MLPH: variants seen among roughly 807,000 people sequenced by gnomAD.
MLPH encodes the protein melanophilin.
In MLPH, 51 loss-of-function variants were observed where a neutral mutation model predicts 72.1. That is an observed-to-expected ratio of 0.71 (90% CI 0.56 to 0.89). The LOEUF (loss-of-function observed/expected upper bound fraction) is 0.89. Ranked by LOEUF, MLPH falls within the 40% of genes least tolerant of loss-of-function variation. The pLI is 0.00. For missense variants in MLPH, 743 were observed against 759.9 expected (o/e 0.98, Z 0.26); for synonymous variants, 301 against 310.1 (o/e 0.97, Z 0.31).
intron 6 of MLPH, among the ~76,000 whole-genome samples, chr2:237,524,344 A>G (rs985006467): frequency 7.4e-6 from 1 of 134,568 alleles, no homozygotes; most frequent in East Asian, 2.1e-4. Flanking sequence ...TTAAGTATTA[A>G]CTTACACGAT....
At chr2:237,513,598 T>G (rs2079953688) in intron 4 of MLPH, among the ~76,000 whole-genome samples, 1 of 152,172 alleles carries the variant, frequency 6.6e-6, no homozygotes, top group Admixed American at 6.5e-5. Flanking sequence ...ATCAGATAGG[T>G]AGGATAATGT....
At chr2:237,507,602 T>C (rs2079805086) in intron 2 of MLPH, among the ~76,000 whole-genome samples, 1 of 152,198 alleles carries the variant, frequency 6.6e-6, no homozygotes, top group Non-Finnish European at 1.5e-5. Flanking sequence ...GAGAACCACT[T>C]CTGTTACTCT....
At chr2:237,503,092 C>G (rs2079686289) in intron 2 of MLPH, among the ~76,000 whole-genome samples, 1 of 152,178 alleles carries the variant, frequency 6.6e-6, no homozygotes, top group South Asian at 2.1e-4. Flanking sequence ...TCAGTCCAGC[C>G]TGGGCAGCAG....
At chr2:237,538,575 C>A (rs1402812093) in intron 9 of MLPH, among the ~76,000 whole-genome samples, 1 of 152,204 alleles carries the variant, frequency 6.6e-6, no homozygotes, top group African/African-American at 2.4e-5. Flanking sequence ...GCATCAGTGT[C>A]CTTTTAAGGC....
chr2:237,492,680 C>G (rs1301166208), intron 1 of MLPH, among the ~76,000 whole-genome samples: 1 of 152,132 alleles, frequency 6.6e-6, no homozygotes, highest in Admixed American at 6.5e-5. Flanking sequence ...ATCACTTTTG[C>G]CTCCCCAGGG....
chr2:237,489,353 GT>G (rs1199792549), intron 1 of MLPH, among the ~76,000 whole-genome samples: 9 of 152,248 alleles, frequency 5.9e-5, no homozygotes. Flanking sequence ...CACCCTCCCA[GT>G]GCTGTTGCTG....
chr2:237,489,448 A>G (rs2079385034), intron 1 of MLPH, among the ~76,000 whole-genome samples: 1 of 152,128 alleles, frequency 6.6e-6, no homozygotes, highest in South Asian at 2.1e-4. Context: ...TCTAGGTGGA[A>G]ATGTGCTCAT....
chr2:237,552,173 G>C (rs2081052965), intron 14 of MLPH, 164 bp from the exon 15 acceptor site: 1 of 608,508 alleles, frequency 1.6e-6, no homozygotes, highest in African/African-American at 1.9e-5. Flanking sequence ...TTGCATGACA[G>C]CTGAAATGTA....
chr2:237,492,327 C>T (rs1322665239), intron 1 of MLPH, among the ~76,000 whole-genome samples: 1 of 151,974 alleles, frequency 6.6e-6, no homozygotes, highest in Non-Finnish European at 1.5e-5. Context: ...TGGGTGGGGC[C>T]GCTGCTCTGC....
At chr2:237,525,014 A>C (rs1196243134) in intron 6 of MLPH, among the ~76,000 whole-genome samples, 3 of 151,574 alleles carry the variant, frequency 2.0e-5, no homozygotes, top group Non-Finnish European at 2.9e-5. Context: ...TCTGGCCTCC[A>C]CCCCCCACTC....
chr2:237,518,369 G>A (rs1457654390), intron 4 of MLPH, 170 bp from the exon 5 acceptor site: 3 of 703,476 alleles, frequency 4.3e-6, no homozygotes, highest in East Asian at 5.4e-5. Flanking sequence ...ATTGGTAGAT[G>A]GGTAGATGGA....
rs75459866 is a variant in MLPH, at chr2:237,502,018, T to C, written c.110+8482T>C. Among the ~76,000 whole-genome samples, 615 of 152,302 alleles carry C rather than the reference T, an allele frequency of 4.0e-3. 16 individuals are homozygous for C. Among genetic ancestry groups the C allele is most frequent in the Admixed American group, 0.034 (515 of 15,300 alleles). Reference sequence around the variant, plus strand: ...TTGAAGCTTATGTGTAGAAGAAAGCTAGCTGTTTACTTTTGTGGAATTTTT... The same window carrying C: ...TTGAAGCTTATGTGTAGAAGAAAGCCAGCTGTTTACTTTTGTGGAATTTTT... On this transcript the variant is annotated intron_variant, in intron 2 of 15. Transcript: ENST00000264605.
intron 4 of MLPH, chr2:237,518,108 G>T (rs527874751): frequency 1.4e-4 from 45 of 329,838 alleles, no homozygotes; most frequent in South Asian, 1.0e-3. Flanking sequence ...TGAGTGGGTG[G>T]ATGAAGGAGG....
intron 2 of MLPH, among the ~76,000 whole-genome samples, chr2:237,509,540 G>A (rs147096758): frequency 1.2e-4 from 19 of 152,288 alleles, no homozygotes; most frequent in Non-Finnish European, 2.5e-4. Context: ...CTCTGTTTGG[G>A]ACAAAGACTT....
chr2:237,520,743 A>G (rs1330335004), intron 6 of MLPH, among the ~76,000 whole-genome samples: 5 of 152,254 alleles, frequency 3.3e-5, no homozygotes, highest in Admixed American at 2.6e-4. Flanking sequence ...GAGTTTAATC[A>G]GGCCTTTCTG....
intron 10 of MLPH, 45 bp downstream of exon 10, chr2:237,540,578 G>T: frequency 6.3e-7 from 1 of 1,583,666 alleles, no homozygotes; most frequent in East Asian, 2.3e-5. Context: ...TGCAGAGGTA[G>T]GGGCAGGGAT....
chr2:237,542,705 G>GA (rs748309899), intron 12 of MLPH, 46 bp downstream of exon 12: 46 of 1,122,548 alleles, frequency 4.1e-5, no homozygotes, highest in South Asian at 7.9e-5. Flanking sequence ...GAGTGGGGGG[G>GA]CAGTGGTGAG....
intron 4 of MLPH, chr2:237,511,672 T>C (rs1385205663): frequency 6.5e-6 from 1 of 154,400 alleles, no homozygotes; most frequent in African/African-American, 2.4e-5. Flanking sequence ...CTCTCTCTTT[T>C]CAACAAACAT....
In MLPH at chr2:237,540,811, G is replaced by A. The variant is rs1368711818; in HGVS notation, c.1300G>A (p.Ala434Thr). ...TCCTTCTCTTTCCTAGGTGGGCACGGCTGCCCATCAAACCAACAGACAGGA... is the reference window on the plus strand; with the variant it reads ...TCCTTCTCTTTCCTAGGTGGGCACGACTGCCCATCAAACCAACAGACAGGA... ...LPQADPEVGT[A>T]AHQTNRQEKS... The change falls in exon 11 of 16, where the codon GCT becomes ACT. Residue 434 changes from alanine to threonine, a missense_variant. Ala to Thr is a moderately conservative substitution (Grantham distance 58, BLOSUM62 0). Coordinates refer to ENST00000264605, the MANE Select transcript of MLPH (RefSeq NM_024101.7). 2 of 1,613,124 alleles carry A rather than the reference G, an allele frequency of 1.2e-6. No homozygotes were observed. The highest frequency in any genetic ancestry group is 1.7e-6 in the Non-Finnish European group (2 of 1,179,946).
Sources: allele counts gnomAD v4.1 joint callset (sites outside exome capture counted in the v4.1 genomes callset), GRCh38; gene constraint gnomAD v4.1.1; transcripts MANE v1.5; gene names NCBI Gene and HGNC (gene_info 2026-07-23, HGNC 2026-07-21).